Variants in CSGALNACT1 observed in about 807,000 individuals in gnomAD.
The protein encoded by CSGALNACT1 is chondroitin sulfate N-acetylgalactosaminyltransferase 1.
In CSGALNACT1, 52 loss-of-function variants were observed where a neutral mutation model predicts 51.0. That is an observed-to-expected ratio of 1.02 (90% CI 0.82 to 1.29). The LOEUF is 1.29. CSGALNACT1 is among the 50% of genes most tolerant of loss of function. The probability of loss-of-function intolerance (pLI) is 0.00; values close to 1 mark genes in which losing one functional copy is unlikely to be tolerated. For synonymous variants in CSGALNACT1, 341 were observed against 254.4 expected (o/e 1.34, Z -3.24); for missense variants, 935 against 679.2 (o/e 1.38, Z -4.19).
chr8:19,437,273 G>A (rs189144336), intron 6 of CSGALNACT1, among the ~76,000 whole-genome samples: 3 of 151,962 alleles, frequency 2.0e-5, no homozygotes, highest in Non-Finnish European at 4.4e-5. Context: ...AGGGTGGAAG[G>A]AACTCCCAAA....
intron 3 of CSGALNACT1, among the ~76,000 whole-genome samples, chr8:19,562,447 A>T (rs1730065855): frequency 6.6e-6 from 1 of 151,894 alleles, no homozygotes; most frequent in African/African-American, 2.4e-5. Context: ...AAAAGCAAAA[A>T]CTGACAAATG....
intron 1 of CSGALNACT1, among the ~76,000 whole-genome samples, chr8:19,625,627 G>T (rs2054349878): frequency 6.6e-6 from 1 of 152,160 alleles, no homozygotes. Context: ...AAGTTCCCAA[G>T]CTGACTCTAT....
chr8:19,568,543 T>C (rs1166542900), intron 3 of CSGALNACT1, among the ~76,000 whole-genome samples: 1 of 152,194 alleles, frequency 6.6e-6, no homozygotes, highest in East Asian at 1.9e-4. Context: ...TCATTTGGAT[T>C]TCCATACTCA....
chr8:19,468,551 C>T (rs113982393), intron 4 of CSGALNACT1, among the ~76,000 whole-genome samples: 32 of 151,856 alleles, frequency 2.1e-4, no homozygotes, highest in African/African-American at 6.5e-4. Context: ...TGGCAGGGAA[C>T]GAGATCAGAG....
chr8:19,467,040 T>C (rs895127841), intron 4 of CSGALNACT1, among the ~76,000 whole-genome samples: 1 of 151,340 alleles, frequency 6.6e-6, no homozygotes, highest in African/African-American at 2.4e-5. Context: ...ATCTGGTTCC[T>C]AATCCATCAG....
chr8:19,464,806 A>G (rs7011587), intron 4 of CSGALNACT1, among the ~76,000 whole-genome samples: 110,665 of 152,016 alleles, frequency 0.73, 40,457 homozygotes, highest in East Asian at 0.86. Flanking sequence ...TGTCTTCCAC[A>G]AAACTGGTGC....
At chr8:19,615,437 G>A (rs2052869701) in intron 1 of CSGALNACT1, among the ~76,000 whole-genome samples, 1 of 152,220 alleles carries the variant, frequency 6.6e-6, no homozygotes, top group Non-Finnish European at 1.5e-5. Context: ...TAACTTCAGA[G>A]CTACTTTGAG....
intron 1 of CSGALNACT1, among the ~76,000 whole-genome samples, chr8:19,747,795 C>G (rs771787048): frequency 2.0e-5 from 3 of 151,582 alleles, no homozygotes; most frequent in Non-Finnish European, 2.9e-5. Flanking sequence ...CTTGTCTACA[C>G]CTCCAACTGG....
chr8:19,593,975 G>C (rs148848296), intron 2 of CSGALNACT1, among the ~76,000 whole-genome samples: 1 of 152,292 alleles, frequency 6.6e-6, no homozygotes, highest in East Asian at 1.9e-4. Context: ...GTGACTTGGA[G>C]ACAGAATATC....
intron 8 of CSGALNACT1, among the ~76,000 whole-genome samples, chr8:19,411,136 C>T (rs959592014): frequency 6.6e-6 from 1 of 152,124 alleles, no homozygotes; most frequent in Non-Finnish European, 1.5e-5. Context: ...CCTGGGTCAC[C>T]CTTTCCCCAC....
intron 4 of CSGALNACT1, among the ~76,000 whole-genome samples, chr8:19,469,493 GAC>G (rs2067581610): frequency 6.6e-6 from 1 of 152,212 alleles, no homozygotes; most frequent in African/African-American, 2.4e-5. Context: ...AGGGGTGTAA[GAC>G]AGCCTGGGAT....
At chr8:19,632,242 T>C (rs2055369199) in intron 1 of CSGALNACT1, among the ~76,000 whole-genome samples, 1 of 152,254 alleles carries the variant, frequency 6.6e-6, no homozygotes, top group Non-Finnish European at 1.5e-5. Flanking sequence ...CAAAATCACA[T>C]AACACATCTG....
intron 1 of CSGALNACT1, among the ~76,000 whole-genome samples, chr8:19,715,171 C>G (rs192484708): frequency 7.2e-5 from 11 of 152,254 alleles, no homozygotes; most frequent in African/African-American, 2.4e-4. Flanking sequence ...CCTGATAAAA[C>G]CATCAGATCT....
intron 1 of CSGALNACT1, among the ~76,000 whole-genome samples, chr8:19,696,097 T>C (rs1191174281): frequency 1.3e-5 from 2 of 152,174 alleles, no homozygotes; most frequent in African/African-American, 4.8e-5. Flanking sequence ...AAAAACAAAT[T>C]GGATAGGCAG....
At chr8:19,567,073 A>T (rs111341828) in intron 3 of CSGALNACT1, among the ~76,000 whole-genome samples, 1 of 152,180 alleles carries the variant, frequency 6.6e-6, no homozygotes, top group Admixed American at 6.5e-5. Flanking sequence ...TCACTGGTCA[A>T]TGCAAACACT....
chr8:19,579,984 A>G (rs945039642), intron 3 of CSGALNACT1, among the ~76,000 whole-genome samples: 1 of 152,198 alleles, frequency 6.6e-6, no homozygotes, highest in African/African-American at 2.4e-5. Context: ...CTGTTTGCAG[A>G]CTTTGGTCTT....
intron 1 of CSGALNACT1, chr8:19,682,428 A>C (rs2154209781): frequency 6.7e-6 from 2 of 299,536 alleles, no homozygotes; most frequent in Non-Finnish European, 1.3e-5. Context: ...AGAAAGTTGC[A>C]GCAAATTTCA....
chr8:19,675,290 G>C (rs1589438567), intron 1 of CSGALNACT1, among the ~76,000 whole-genome samples: 1 of 152,312 alleles, frequency 6.6e-6, no homozygotes, highest in East Asian at 1.9e-4. Context: ...AGTAACCTAA[G>C]ATAGGGTTAA....
At chr8:19,589,428 C>G (rs1035105786) in intron 3 of CSGALNACT1, among the ~76,000 whole-genome samples, 1 of 152,178 alleles carries the variant, frequency 6.6e-6, no homozygotes, top group Non-Finnish European at 1.5e-5. Flanking sequence ...CAGGTTCAAA[C>G]AATTATCCTG....
Sources: gnomAD v4.1 joint callset for allele counts (sites outside exome capture counted in the v4.1 genomes callset) on GRCh38, gnomAD v4.1.1 for gene constraint, MANE v1.5 for transcripts, NCBI Gene and HGNC (gene_info 2026-07-23, HGNC 2026-07-21) for gene names.